CHLSN: variants seen among roughly 807,000 people sequenced by gnomAD.
CHLSN encodes the protein protein cholesin.
At chr7:1,133,384 A>G in the CHLSN span, among the ~76,000 whole-genome samples, 2 of 129,398 alleles carry the variant, frequency 1.5e-5, no homozygotes, top group African/African-American at 3.3e-5. Flanking sequence ...CAATCCCTCG[A>G]TATACTGCAA....
the CHLSN span, among the ~76,000 whole-genome samples, chr7:1,015,199 G>T: frequency 2.0e-5 from 3 of 152,088 alleles, no homozygotes; most frequent in Non-Finnish European, 4.4e-5. Context: ...TAAATTGTTT[G>T]GGGGGGCTGA....
At chr7:980,877 T>C in the CHLSN span, among the ~76,000 whole-genome samples, 1 of 151,886 alleles carries the variant, frequency 6.6e-6, no homozygotes, top group Admixed American at 6.6e-5. Context: ...TTAGTAGAGA[T>C]GGGGTTTTGC....
chr7:1,080,817 T>C, the CHLSN span: 1 of 152,284 alleles, frequency 6.6e-6, no homozygotes, highest in Non-Finnish European at 1.5e-5. Flanking sequence ...GCGAATTATA[T>C]ACACAGTGCC....
chr7:1,057,238 C>A, the CHLSN span, among the ~76,000 whole-genome samples: 40 of 152,294 alleles, frequency 2.6e-4, no homozygotes, highest in African/African-American at 9.4e-4. Context: ...GAATGTGGGG[C>A]ACACCAGGCT....
At chr7:1,065,497 G>A in the CHLSN span, among the ~76,000 whole-genome samples, 30 of 152,232 alleles carry the variant, frequency 2.0e-4, no homozygotes, top group Non-Finnish European at 4.1e-4. Context: ...TGGACCCACC[G>A]GGGACAGGCG....
the CHLSN span, among the ~76,000 whole-genome samples, chr7:1,129,459 G>A: frequency 5.3e-5 from 7 of 132,020 alleles, 1 homozygote; most frequent in African/African-American, 9.2e-5. Context: ...GTGCAGTGGC[G>A]CCATCTCGGC....
the CHLSN span, among the ~76,000 whole-genome samples, chr7:1,089,696 T>C: frequency 4.0e-5 from 6 of 149,712 alleles, no homozygotes; most frequent in Admixed American, 6.7e-5. Context: ...GTGCTGGGAT[T>C]ATAGGCCAGC....
At chr7:1,136,577 CATATATAAACAT>C in the CHLSN span, among the ~76,000 whole-genome samples, 1 of 128,270 alleles carries the variant, frequency 7.8e-6, no homozygotes, top group East Asian at 2.2e-4. Flanking sequence ...TAAACATAAA[CATATATAAACAT>C]ATATAAACAT....
At chr7:1,069,928 A>G in the CHLSN span, among the ~76,000 whole-genome samples, 5 of 90,918 alleles carry the variant, frequency 5.5e-5, no homozygotes, top group East Asian at 1.4e-3. Context: ...AGCCGCCATC[A>G]CATCTAGGAA....
At chr7:1,102,505 C>T in the CHLSN span, among the ~76,000 whole-genome samples, 6 of 152,340 alleles carry the variant, frequency 3.9e-5, no homozygotes, top group South Asian at 4.1e-4. Context: ...CCACAGGGGA[C>T]GGTCTTGCTT....
chr7:1,022,713 T>TAA, the CHLSN span, among the ~76,000 whole-genome samples: 6 of 152,118 alleles, frequency 3.9e-5, no homozygotes, highest in African/African-American at 1.4e-4. Context: ...TTCTGCAAAA[T>TAA]AAACAAGCTC....
the CHLSN span, among the ~76,000 whole-genome samples, chr7:1,078,311 G>A: frequency 2.0e-5 from 3 of 151,850 alleles, no homozygotes; most frequent in Non-Finnish European, 2.9e-5. Context: ...CACAGGGCCC[G>A]AAACCTGAAT....
the CHLSN span, among the ~76,000 whole-genome samples, chr7:1,020,150 G>A: frequency 7.0e-6 from 1 of 142,474 alleles, no homozygotes; most frequent in African/African-American, 2.7e-5. Flanking sequence ...CATGGATGCG[G>A]CAGGCCCCGC....
chr7:1,109,546 C>T, the CHLSN span: 2 of 152,292 alleles, frequency 1.3e-5, no homozygotes, highest in East Asian at 1.9e-4. Flanking sequence ...GCTCAGCACG[C>T]AGTCGCTCCA....
chr7:1,041,439 G>GGGACCTGGGGTCCGCGCTGCGGGGAAC, the CHLSN span, among the ~76,000 whole-genome samples: 2 of 139,656 alleles, frequency 1.4e-5, no homozygotes, highest in African/African-American at 5.0e-5. Flanking sequence ...CTGCGGGGAA[G>GGGACCTGGGGTCCGCGCTGCGGGGAAC]GGGACCTGGG....
At chr7:1,091,873 C>T in the CHLSN span, 9 of 1,613,744 alleles carry the variant, frequency 5.6e-6, no homozygotes, top group Non-Finnish European at 7.6e-6. Context: ...GACAGGTGAG[C>T]TCTCGGAGCA....
chr7:1,111,733 T>C, the CHLSN span, among the ~76,000 whole-genome samples: 1 of 151,798 alleles, frequency 6.6e-6, no homozygotes, highest in African/African-American at 2.4e-5. Context: ...GCCAGGGAGG[T>C]TGAGGCTACA....
chr7:1,069,083 A>G, the CHLSN span, among the ~76,000 whole-genome samples: 2 of 152,224 alleles, frequency 1.3e-5, no homozygotes, highest in Non-Finnish European at 2.9e-5. Context: ...CTGTAATCCC[A>G]GCACTTTGGG....
chr7:1,067,364 C>T, the CHLSN span, among the ~76,000 whole-genome samples: 1 of 37,726 alleles, frequency 2.7e-5, no homozygotes, highest in Non-Finnish European at 5.2e-5. Context: ...GGCTGCAGTG[C>T]ACCCCAGAGG....
Sources: allele counts gnomAD v4.1 joint callset (sites outside exome capture counted in the v4.1 genomes callset), GRCh38; gene constraint gnomAD v4.1.1; transcripts MANE v1.5; gene names NCBI Gene and HGNC (gene_info 2026-07-23, HGNC 2026-07-21).